The following PZP variants were observed in gnomAD, a reference collection of about 807,000 sequenced individuals.
PZP encodes the protein PZP alpha-2-macroglobulin like, also known as pregnancy zone protein.
PZP carries 150 observed loss-of-function variants against 179.8 expected under a neutral mutation model. The ratio of observed to expected loss-of-function variants is 0.83; its 90% confidence interval spans 0.73 to 0.96. PZP has a LOEUF of 0.96. Among genes scored for constraint, PZP ranks in the 40% least tolerant of loss-of-function variants. The pLI, the probability that PZP is intolerant of heterozygous loss-of-function variation, is 0.00. For missense variants in PZP, 1,689 were observed against 1,764.0 expected (o/e 0.96, Z 0.76); for synonymous variants, 624 against 652.3 (o/e 0.96, Z 0.66).
At chr12:9,182,235 T>C in intron 13 of PZP, 118 bp from the exon 14 acceptor site, 1 of 946,598 alleles carries the variant, frequency 1.1e-6, no homozygotes, top group Non-Finnish European at 1.5e-6. Context: ...GTCCATTCAT[T>C]CTAATGGCTT....
chr12:9,145,377 ATATCTTGTAGTT>A (rs1174350251), downstream of PZP, among the ~76,000 whole-genome samples: 1 of 152,190 alleles, frequency 6.6e-6, no homozygotes, highest in East Asian at 1.9e-4. Context: ...TCTACACAAA[ATATCTTGTAGTT>A]ATAGCAGTCT....
intron 7 of PZP, among the ~76,000 whole-genome samples, chr12:9,197,813 T>TATATATAATTATATATTATACAATATATA (rs1943909918): frequency 1.5e-5 from 1 of 65,450 alleles, no homozygotes; most frequent in Non-Finnish European, 2.8e-5. Context: ...CAATACATAA[T>TATATATAATTATATATTATACAATATATA]ATATATAATT....
At chr12:9,166,306 T>A in intron 17 of PZP, 104 bp from the exon 18 acceptor site, 1 of 1,108,586 alleles carries the variant, frequency 9.0e-7, no homozygotes, top group Non-Finnish European at 1.3e-6. Flanking sequence ...CTGCTCAGAC[T>A]GTCCTAAAAG....
chr12:9,154,916 C>A, intron 28 of PZP, 77 bp from the exon 29 acceptor site: 1 of 1,356,336 alleles, frequency 7.4e-7, no homozygotes, highest in South Asian at 1.3e-5. Context: ...AATGCACATT[C>A]ATAATACATG....
chr12:9,189,410 A>G (rs951202531), intron 13 of PZP, among the ~76,000 whole-genome samples: 6 of 152,242 alleles, frequency 3.9e-5, no homozygotes, highest in African/African-American at 1.2e-4. Context: ...CCTATTCAAT[A>G]AATGGTGCTG....
the PZP span, among the ~76,000 whole-genome samples, chr12:9,143,125 A>T: frequency 6.6e-6 from 1 of 152,222 alleles, no homozygotes; most frequent in African/African-American, 2.4e-5. Flanking sequence ...TGAGGTTAGA[A>T]TTATGTAAAT....
the PZP span, among the ~76,000 whole-genome samples, chr12:9,142,440 A>C: frequency 6.6e-6 from 1 of 152,250 alleles, no homozygotes; most frequent in East Asian, 1.9e-4. Context: ...TAATAAATGC[A>C]AACAAAAATG....
At chr12:9,182,837 T>A (rs965009499) in intron 13 of PZP, among the ~76,000 whole-genome samples, 1 of 152,214 alleles carries the variant, frequency 6.6e-6, no homozygotes, top group African/African-American at 2.4e-5. Flanking sequence ...CACGAGAGAC[T>A]TAATGACTGA....
chr12:9,139,404 G>A, the PZP span, among the ~76,000 whole-genome samples: 5 of 152,280 alleles, frequency 3.3e-5, no homozygotes, highest in Admixed American at 3.3e-4. Flanking sequence ...TTCAGCTGCT[G>A]TTTGGTGGAA....
intron 17 of PZP, among the ~76,000 whole-genome samples, chr12:9,166,461 T>A (rs1416961543): frequency 6.6e-6 from 1 of 152,178 alleles, no homozygotes; most frequent in Non-Finnish European, 1.5e-5. Context: ...ACGAGATCAC[T>A]TGGAGACAGT....
At chr12:9,158,803 A>T (rs757368225) in intron 25 of PZP, among the ~76,000 whole-genome samples, 3 of 132,802 alleles carry the variant, frequency 2.3e-5, no homozygotes, top group Non-Finnish European at 4.7e-5. Context: ...ATTCATTACC[A>T]GCTTGTCCTT....
At chr12:9,160,554 CA>C in intron 23 of PZP, 64 bp from the exon 24 acceptor site, 1 of 1,447,984 alleles carries the variant, frequency 6.9e-7, no homozygotes, top group South Asian at 1.2e-5. Context: ...ACATTATTAA[CA>C]AAAATGGCCT....
At chr12:9,144,447 C>T (rs914700709), downstream of PZP, among the ~76,000 whole-genome samples, 6 of 151,556 alleles carry the variant, frequency 4.0e-5, no homozygotes, top group African/African-American at 9.7e-5. Flanking sequence ...GATGAGCTGC[C>T]ACTGCCCACT....
intron 17 of PZP, among the ~76,000 whole-genome samples, chr12:9,166,572 G>A (rs1158159816): frequency 6.6e-6 from 1 of 152,202 alleles, no homozygotes; most frequent in African/African-American, 2.4e-5. Flanking sequence ...TTTAGACATT[G>A]AGAGTGGTTG....
intron 13 of PZP, 137 bp downstream of exon 13, chr12:9,192,055 CA>C (rs1943485231): frequency 1.4e-6 from 1 of 691,372 alleles, no homozygotes; most frequent in Admixed American, 2.4e-5. Flanking sequence ...GCCAAAGAGT[CA>C]TAAGACGAGT....
intron 20 of PZP, 28 bp from the exon 21 acceptor site, chr12:9,163,817 G>A (rs1190273506): frequency 1.2e-6 from 2 of 1,604,536 alleles, no homozygotes; most frequent in Admixed American, 1.7e-5. Context: ...GAAAACATGA[G>A]TATCCACTTT....
chr12:9,171,287 A>G (rs1467190132), intron 15 of PZP, among the ~76,000 whole-genome samples: 1 of 152,224 alleles, frequency 6.6e-6, no homozygotes, highest in Non-Finnish European at 1.5e-5. Context: ...CTGCTAAAAG[A>G]AAAACAAACA....
chr12:9,137,821 T>C, the PZP span, among the ~76,000 whole-genome samples: 1 of 152,136 alleles, frequency 6.6e-6, no homozygotes, highest in Admixed American at 6.5e-5. Flanking sequence ...TTTCAGAGTT[T>C]ATTGCTAGTG....
At chr12:9,158,757 C>CT (rs60888135) in intron 25 of PZP, among the ~76,000 whole-genome samples, 181 bp from the exon 26 acceptor site, 262 of 125,418 alleles carry the variant, frequency 2.1e-3, no homozygotes, top group African/African-American at 7.2e-3. Flanking sequence ...CTTTTCTTTT[C>CT]TTTTTTTTTT....
Sources: allele counts gnomAD v4.1 joint callset (sites outside exome capture counted in the v4.1 genomes callset), GRCh38; gene constraint gnomAD v4.1.1; transcripts MANE v1.5; gene names NCBI Gene and HGNC (gene_info 2026-07-23, HGNC 2026-07-21).